RORA: variants seen among roughly 807,000 people sequenced by gnomAD.
RORA encodes the protein RAR related orphan receptor A, also known as nuclear receptor ROR-alpha.
A neutral mutation model predicts 69.5 loss-of-function variants in RORA; 7 were observed. The observed-to-expected ratio is 0.10, with a 90% CI of 0.06 to 0.19. RORA has a LOEUF of 0.19. Ranked by LOEUF, RORA falls within the 10% of genes least tolerant of loss-of-function variation. The probability of loss-of-function intolerance (pLI) is 1.00; values close to 1 mark genes in which losing one functional copy is unlikely to be tolerated. For synonymous variants in RORA, 261 were observed against 240.8 expected (o/e 1.08, Z -0.78); for missense variants, 457 against 663.0 (o/e 0.69, Z 3.41).
intron 1 of RORA, among the ~76,000 whole-genome samples, chr15:60,813,431 G>C (rs1439272012): frequency 1.4e-5 from 2 of 144,560 alleles, no homozygotes; most frequent in Non-Finnish European, 3.0e-5. Context: ...GCAAAGTCTT[G>C]AAATCTGTGT....
intron 1 of RORA, among the ~76,000 whole-genome samples, chr15:60,995,643 G>C (rs556082346): frequency 6.6e-6 from 1 of 152,224 alleles, no homozygotes; most frequent in Non-Finnish European, 1.5e-5. Context: ...AAAAATGCCT[G>C]ATGTGTATTC....
intron 2 of RORA, among the ~76,000 whole-genome samples, chr15:60,673,567 C>T (rs1332438743): frequency 6.6e-6 from 1 of 152,188 alleles, no homozygotes; most frequent in African/African-American, 2.4e-5. Context: ...TGCTTTATTG[C>T]TATTTTATGC....
At position 60,669,340 on chromosome 15, in the gene RORA, TTTGTTTG is replaced by T. The variant is rs1234468429; in HGVS notation, c.196+9310_196+9316del. 5.1e-4 allele frequency among the ~76,000 whole-genome samples: 46 copies of T among 89,766 alleles called. 1 individual carries two copies. Among genetic ancestry groups the T allele is most frequent in the South Asian group, 2.5e-3 (6 of 2,446 alleles). The allele number at this position is 89,766 out of a possible 152,430, so 58.9% of individuals were successfully genotyped here. On this transcript the variant is annotated intron_variant, in intron 2 of 10. Coordinates refer to ENST00000335670, the MANE Select transcript of RORA (RefSeq NM_134261.3). ...ATCTCTCCTTCCCAATAAGCGTTTT[TTTGTTTG>T]TTTGTTTGTTTGTTTGTTTGTTTGT...
chr15:60,514,781 A>C (rs1470066255), intron 3 of RORA, 24 bp from the exon 4 acceptor site: 2 of 1,607,928 alleles, frequency 1.2e-6, no homozygotes, highest in South Asian at 2.2e-5. Context: ...ATAAAATATA[A>C]AACAGGTTAG....
At chr15:60,530,325 TC>T (rs947447687) in intron 3 of RORA, 2 of 152,234 alleles carry the variant, frequency 1.3e-5, no homozygotes, top group African/African-American at 4.8e-5. Context: ...AGGGTCTCAC[TC>T]CATTGCCCAG....
chr15:61,228,807 C>G (rs115727340), intron 1 of RORA, among the ~76,000 whole-genome samples: 5,845 of 151,920 alleles, frequency 0.038, 369 homozygotes, highest in African/African-American at 0.13. Flanking sequence ...AGCCCGCCGG[C>G]TGTCAACCTT....
intron 1 of RORA, among the ~76,000 whole-genome samples, chr15:60,785,233 C>T (rs1466686328): frequency 6.6e-6 from 1 of 152,168 alleles, no homozygotes; most frequent in Non-Finnish European, 1.5e-5. Context: ...GAAAAGTAAA[C>T]ATCAGTGAGC....
chr15:60,598,885 G>A (rs899016926), intron 2 of RORA, among the ~76,000 whole-genome samples: 3 of 152,218 alleles, frequency 2.0e-5, no homozygotes, highest in Non-Finnish European at 4.4e-5. Flanking sequence ...TTTCCTATAG[G>A]AGAGAAAGTT....
intron 1 of RORA, among the ~76,000 whole-genome samples, chr15:61,012,058 AG>A (rs1224082029): frequency 8.5e-5 from 13 of 152,342 alleles, no homozygotes; most frequent in Non-Finnish European, 1.0e-4. Flanking sequence ...CTGACCAGGA[AG>A]GGGGGTGTTC....
intron 1 of RORA, among the ~76,000 whole-genome samples, chr15:61,042,917 A>C (rs1024861870): frequency 3.3e-5 from 5 of 152,180 alleles, no homozygotes; most frequent in African/African-American, 9.6e-5. Context: ...CAAAGAGTGC[A>C]CTGGGGTATG....
At chr15:61,015,524 T>C (rs1027395736) in intron 1 of RORA, among the ~76,000 whole-genome samples, 1 of 152,178 alleles carries the variant, frequency 6.6e-6, no homozygotes, top group Admixed American at 6.5e-5. Flanking sequence ...CAATTTCTAA[T>C]TTTCCAATAA....
intron 2 of RORA, among the ~76,000 whole-genome samples, chr15:60,594,004 A>G (rs1008503904): frequency 2.0e-5 from 3 of 152,234 alleles, no homozygotes; most frequent in Non-Finnish European, 4.4e-5. Context: ...GAAGGTCAAT[A>G]AAGTTCGTTG....
chr15:61,021,180 C>T (rs768875107), intron 1 of RORA, among the ~76,000 whole-genome samples: 13 of 152,180 alleles, frequency 8.5e-5, no homozygotes, highest in Admixed American at 3.3e-4. Flanking sequence ...TCCTCCTCAA[C>T]GCCCCCTCTC....
intron 1 of RORA, among the ~76,000 whole-genome samples, chr15:60,913,216 C>T (rs117876046): frequency 1.3e-5 from 2 of 152,294 alleles, no homozygotes; most frequent in Non-Finnish European, 2.9e-5. Flanking sequence ...CTCACCACCT[C>T]GTGCTCAGGC....
chr15:61,185,458 T>C (rs1477299494), intron 1 of RORA, among the ~76,000 whole-genome samples: 1 of 152,200 alleles, frequency 6.6e-6, no homozygotes, highest in African/African-American at 2.4e-5. Context: ...ACTCCATCTC[T>C]GCCAACTCTG....
At chr15:61,150,870 A>G (rs2079391468) in intron 1 of RORA, among the ~76,000 whole-genome samples, 1 of 152,218 alleles carries the variant, frequency 6.6e-6, no homozygotes, top group African/African-American at 2.4e-5. Context: ...TAATCATTAC[A>G]TTGTGTCAGC....
intron 1 of RORA, among the ~76,000 whole-genome samples, chr15:60,759,302 T>C (rs2071849435): frequency 6.6e-6 from 1 of 152,182 alleles, no homozygotes; most frequent in Non-Finnish European, 1.5e-5. Context: ...ACAACACACA[T>C]AAATACATAC....
intron 1 of RORA, among the ~76,000 whole-genome samples, chr15:61,193,082 T>C (rs1214183596): frequency 8.8e-6 from 1 of 113,038 alleles, no homozygotes; most frequent in East Asian, 2.7e-4. Flanking sequence ...CTCCTATATC[T>C]TTCAAACTCC....
chr15:60,795,874 T>C (rs1361495107), intron 1 of RORA, among the ~76,000 whole-genome samples: 18 of 152,226 alleles, frequency 1.2e-4, no homozygotes, highest in Admixed American at 1.2e-3. Context: ...GAGATAACTT[T>C]GGGAAATTAC....
Sources: gnomAD v4.1 joint callset for allele counts (sites outside exome capture counted in the v4.1 genomes callset) on GRCh38, gnomAD v4.1.1 for gene constraint, MANE v1.5 for transcripts, NCBI Gene and HGNC (gene_info 2026-07-23, HGNC 2026-07-21) for gene names.